FOXN3: variants seen among roughly 807,000 people sequenced by gnomAD.
FOXN3 encodes the protein forkhead box protein N3.
Under a neutral mutation model 38.4 loss-of-function variants are expected in FOXN3, and 7 were observed. That is an observed-to-expected ratio of 0.18 (90% CI 0.10 to 0.34). The LOEUF (loss-of-function observed/expected upper bound fraction) is 0.34. Among genes scored for constraint, FOXN3 ranks in the 10% least tolerant of loss-of-function variants. FOXN3 has a pLI of 1.00. For missense variants in FOXN3, 456 were observed against 613.4 expected (o/e 0.74, Z 2.71); for synonymous variants, 230 against 242.2 (o/e 0.95, Z 0.47).
intron 1 of FOXN3, among the ~76,000 whole-genome samples, chr14:89,495,526 G>A (rs1353109873): frequency 1.3e-5 from 2 of 152,194 alleles, no homozygotes; most frequent in Non-Finnish European, 2.9e-5. Flanking sequence ...TTAGGGTCCA[G>A]TAGAAAACCT....
intron 1 of FOXN3, among the ~76,000 whole-genome samples, chr14:89,611,024 T>C (rs965717677): frequency 1.3e-5 from 2 of 152,202 alleles, no homozygotes; most frequent in African/African-American, 4.8e-5. Context: ...TCTACATCTG[T>C]TCCATTGCTA....
chr14:89,182,465 C>A (rs572390079), intron 4 of FOXN3, among the ~76,000 whole-genome samples: 17 of 152,322 alleles, frequency 1.1e-4, no homozygotes, highest in African/African-American at 4.1e-4. Context: ...GTTCCATAAT[C>A]TCCCCCGTCA....
intron 2 of FOXN3, chr14:89,356,692 G>A (rs1185133798): frequency 2.6e-5 from 4 of 152,032 alleles, no homozygotes; most frequent in Non-Finnish European, 5.9e-5. Context: ...TCATTCATAC[G>A]CTCATGCATT....
chr14:89,478,931 CAAAAA>C (rs59945805), intron 1 of FOXN3, among the ~76,000 whole-genome samples: 2 of 54,198 alleles, frequency 3.7e-5, no homozygotes, highest in Admixed American at 5.8e-4. Context: ...GACTCCATCT[CAAAAA>C]AAAAAAAAAA....
chr14:89,256,766 CT>C (rs1440715533), intron 4 of FOXN3, among the ~76,000 whole-genome samples: 1 of 152,192 alleles, frequency 6.6e-6, no homozygotes, highest in African/African-American at 2.4e-5. Context: ...GCAAAGCTGC[CT>C]CTTCTTGGTG....
At chr14:89,239,699 G>A (rs1444319550) in intron 4 of FOXN3, among the ~76,000 whole-genome samples, 1 of 152,146 alleles carries the variant, frequency 6.6e-6, no homozygotes, top group Non-Finnish European at 1.5e-5. Context: ...ACTGTCAATC[G>A]TTTTATTTAT....
chr14:89,293,135 C>CCA (rs1305423870), intron 3 of FOXN3, among the ~76,000 whole-genome samples: 2 of 152,202 alleles, frequency 1.3e-5, no homozygotes, highest in Non-Finnish European at 2.9e-5. Flanking sequence ...TTCCCCACTG[C>CCA]CAGCTGATTC....
chr14:89,366,100 A>C (rs887804346), intron 2 of FOXN3, among the ~76,000 whole-genome samples: 7 of 152,158 alleles, frequency 4.6e-5, no homozygotes, highest in Admixed American at 3.3e-4. Flanking sequence ...AAAATACAAA[A>C]AAATTAGCCT....
chr14:89,456,671 G>A (rs529955667), intron 1 of FOXN3, among the ~76,000 whole-genome samples: 6 of 152,278 alleles, frequency 3.9e-5, no homozygotes, highest in African/African-American at 9.6e-5. Flanking sequence ...CATAAGAATC[G>A]CTTGAACCCA....
At chr14:89,337,340 A>T (rs903145251) in intron 3 of FOXN3, among the ~76,000 whole-genome samples, 2 of 152,228 alleles carry the variant, frequency 1.3e-5, no homozygotes, top group African/African-American at 4.8e-5. Flanking sequence ...TCATCAAAGA[A>T]GAAAAGAATG....
chr14:89,165,221 C>G (rs1375234075), intron 5 of FOXN3, among the ~76,000 whole-genome samples: 2 of 152,188 alleles, frequency 1.3e-5, no homozygotes, highest in African/African-American at 4.8e-5. Flanking sequence ...TTGCAAGCCA[C>G]ACACGCCTGT....
chr14:89,318,162 C>CT lies in FOXN3; in HGVS notation c.680+32509dup, dbSNP rs10624729. Among the ~76,000 whole-genome samples, 563 of 127,460 alleles carry CT rather than the reference C, an allele frequency of 4.4e-3. 15 individuals are homozygous for CT. The highest frequency in any genetic ancestry group is 9.9e-3 in the African/African-American group (326 of 32,866). The allele number at this position is 127,460 out of a possible 152,430, so 83.6% of individuals were successfully genotyped here. A position where few individuals can be genotyped will look rare whatever the true frequency, so the allele number is the denominator to read the frequency against. Reference sequence around the variant, plus strand: ...TTCTTTTCTTTCTTCTTCTTCTTCTCTTTTTTTTTTTTTGAGGCGGAGTTT... The same window carrying CT: ...TTCTTTTCTTTCTTCTTCTTCTTCTCTTTTTTTTTTTTTTGAGGCGGAGTTT... On this transcript the variant is annotated intron_variant, in intron 3 of 5. Transcript: ENST00000557258.
At chr14:89,449,250 A>G (rs1040609510) in intron 1 of FOXN3, among the ~76,000 whole-genome samples, 1 of 152,322 alleles carries the variant, frequency 6.6e-6, no homozygotes, top group Non-Finnish European at 1.5e-5. Context: ...TCTGGTGGCA[A>G]TGCCAGCAGG....
At chr14:89,340,727 T>C (rs1888591133) in intron 3 of FOXN3, among the ~76,000 whole-genome samples, 1 of 152,020 alleles carries the variant, frequency 6.6e-6, no homozygotes, top group East Asian at 1.9e-4. Context: ...GATGATTTGA[T>C]GGACAGCTTT....
rs869191500 is a variant in FOXN3, at chr14:89,511,247, T to TTTTCTTTCTTTCTTTC, written c.-14-98773_-14-98758dup. On this transcript the variant is annotated intron_variant, in intron 1 of 6. Transcript: ENST00000345097. Reference sequence around the variant, plus strand: ...TCTTTCTTTTCTTTCCTTTTCTTTCTTTTCTTTCTTTCTTTCTTTCTTTCT... The same window carrying TTTTCTTTCTTTCTTTC: ...TCTTTCTTTTCTTTCCTTTTCTTTCTTTTCTTTCTTTCTTTCTTTCTTTCTTTCTTTCTTTCTTTCT... Among the ~76,000 whole-genome samples, 10 of 11,296 alleles carry TTTTCTTTCTTTCTTTC rather than the reference T, an allele frequency of 8.9e-4. 2 individuals carry two copies. The highest frequency in any genetic ancestry group is 2.9e-3 in the Non-Finnish European group (6 of 2,080). The allele number at this position is 11,296 out of a possible 152,430, so 7.4% of individuals were successfully genotyped here. A position where few individuals can be genotyped will look rare whatever the true frequency, so the allele number is the denominator to read the frequency against.
At chr14:89,191,973 T>TAAAA (rs1555409518) in intron 4 of FOXN3, among the ~76,000 whole-genome samples, 1 of 135,216 alleles carries the variant, frequency 7.4e-6, no homozygotes, top group African/African-American at 3.2e-5. Flanking sequence ...CACATATATA[T>TAAAA]AACTATAATA....
chr14:89,328,494 CA>C (rs1888143259), intron 3 of FOXN3, among the ~76,000 whole-genome samples: 1 of 151,906 alleles, frequency 6.6e-6, no homozygotes, highest in Admixed American at 6.6e-5. Flanking sequence ...TTCCCAACAG[CA>C]GCCCTGGGTG....
intron 2 of FOXN3, among the ~76,000 whole-genome samples, chr14:89,404,280 C>T (rs533829481): frequency 6.6e-6 from 1 of 151,712 alleles, no homozygotes; most frequent in Non-Finnish European, 1.5e-5. Context: ...GAGGCCGAGG[C>T]GGGCAGATCA....
At chr14:89,444,887 G>A (rs1046248457) in intron 1 of FOXN3, among the ~76,000 whole-genome samples, 21 of 152,202 alleles carry the variant, frequency 1.4e-4, no homozygotes, top group Admixed American at 2.0e-4. Context: ...TTGGGAGGCC[G>A]AGGCAGCAGT....
Sources: gnomAD v4.1 joint callset for allele counts (sites outside exome capture counted in the v4.1 genomes callset) on GRCh38, gnomAD v4.1.1 for gene constraint, MANE v1.5 for transcripts, NCBI Gene and HGNC (gene_info 2026-07-23, HGNC 2026-07-21) for gene names.